ICE1: variants seen among roughly 807,000 people sequenced by gnomAD.
The protein encoded by ICE1 is little elongation complex subunit 1.
ICE1 carries 64 observed loss-of-function variants against 192.7 expected under a neutral mutation model. The observed-to-expected ratio is 0.33, with a 90% CI of 0.27 to 0.41. The LOEUF (loss-of-function observed/expected upper bound fraction) is 0.41, where lower values mean the gene tolerates loss of function less well. Among genes scored for constraint, ICE1 ranks in the 10% least tolerant of loss-of-function variants. ICE1 has a pLI of 1.00. For synonymous variants in ICE1, 1,010 were observed against 984.5 expected (o/e 1.03, Z -0.49); for missense variants, 2,708 against 2,696.0 (o/e 1.00, Z -0.10).
intron 1 of ICE1, among the ~76,000 whole-genome samples, chr5:5,429,042 T>C (rs1004611863): frequency 5.3e-5 from 8 of 152,148 alleles, no homozygotes; most frequent in African/African-American, 1.9e-4. Flanking sequence ...AAAAGGCATA[T>C]GGGGCAAAGT....
intron 17 of ICE1, among the ~76,000 whole-genome samples, chr5:5,485,654 AG>A (rs1184897893): frequency 6.6e-6 from 1 of 152,236 alleles, no homozygotes; most frequent in Non-Finnish European, 1.5e-5. Flanking sequence ...TAAATGTTGA[AG>A]GGATCCTTTT....
At chr5:5,439,007 A>G (rs1483436049) in intron 3 of ICE1, among the ~76,000 whole-genome samples, 1 of 152,318 alleles carries the variant, frequency 6.6e-6, no homozygotes, top group Non-Finnish European at 1.5e-5. Context: ...TCCTTTTGCT[A>G]CTAAAGTAGC....
intron 1 of ICE1, 76 bp from the exon 2 acceptor site, chr5:5,436,342 G>T (rs1187335021): frequency 1.0e-5 from 9 of 861,518 alleles, no homozygotes; most frequent in Non-Finnish European, 1.5e-5. Flanking sequence ...TCTTAGATAT[G>T]ATAAATAATG....
At chr5:5,476,137 T>TA in intron 17 of ICE1, 58 bp downstream of exon 17, 1 of 841,684 alleles carries the variant, frequency 1.2e-6, no homozygotes. Context: ...GGTGGAAGGC[T>TA]GGGGGGTTAA....
chr5:5,437,326 T>C (rs942044285), intron 3 of ICE1: 1 of 436,674 alleles, frequency 2.3e-6, no homozygotes, highest in African/African-American at 2.0e-5. Flanking sequence ...ATTACTTTTC[T>C]TGTTGATTGT....
At chr5:5,452,864 T>TA (rs1738466256) in intron 10 of ICE1, among the ~76,000 whole-genome samples, 1 of 152,128 alleles carries the variant, frequency 6.6e-6, no homozygotes, top group Non-Finnish European at 1.5e-5. Flanking sequence ...ATACATGCCT[T>TA]AGAGTTTGAT....
chr5:5,485,173 T>C (rs1473266264), intron 17 of ICE1, among the ~76,000 whole-genome samples: 2 of 152,166 alleles, frequency 1.3e-5, no homozygotes, highest in African/African-American at 4.8e-5. Context: ...TTACTCCAGG[T>C]TACATCTATC....
At chr5:5,485,325 G>A (rs1017755993) in intron 17 of ICE1, among the ~76,000 whole-genome samples, 6 of 151,984 alleles carry the variant, frequency 3.9e-5, no homozygotes, top group African/African-American at 1.2e-4. Context: ...AATGAGAATC[G>A]CATTGCCTTG....
At chr5:5,471,193 A>G (rs1464867716) in intron 15 of ICE1, among the ~76,000 whole-genome samples, 1 of 152,212 alleles carries the variant, frequency 6.6e-6, no homozygotes, top group Non-Finnish European at 1.5e-5. Context: ...ATGGGAAAGT[A>G]GACATATAGG....
rs370567717 is a variant in ICE1 at position 5,463,876 on chromosome 5, C to T, written c.4542C>T (p.Pro1514=). ...ATAAGAGTCGTTTGCGAAATAGACC[C>T]GTTAAGCCTAGTATATGGATTAGTT... ...NFDKSRLRNR[P]VKPSIWISSQ... is the part of the protein sequence containing the mutation. The change falls in exon 13 of 19, where the codon CCC becomes CCT. Residue 1514 remains proline, a synonymous_variant. Coordinates refer to ENST00000296564, the MANE Select transcript of ICE1 (RefSeq NM_015325.3). The T allele has an allele frequency of 3.8e-5, 62 of 1,613,880 alleles. No homozygotes were observed. The African/African-American group carries it at 5.7e-4, about 15-fold the overall frequency.
At chr5:5,437,288 A>G (rs1726507335) in intron 3 of ICE1, 174 bp downstream of exon 3, 2 of 486,510 alleles carry the variant, frequency 4.1e-6, no homozygotes, top group Non-Finnish European at 3.7e-6. Flanking sequence ...TTCTTAATCC[A>G]TGTTTAATGA....
chr5:5,435,678 G>GTTTTT (rs796599483), intron 1 of ICE1, among the ~76,000 whole-genome samples: 3 of 116,738 alleles, frequency 2.6e-5, no homozygotes, highest in African/African-American at 9.4e-5. Flanking sequence ...TTTTTGTTTT[G>GTTTTT]TTTTTGTTTT....
At chr5:5,426,447 C>CAAA (rs569904155) in intron 1 of ICE1, among the ~76,000 whole-genome samples, 3 of 69,110 alleles carry the variant, frequency 4.3e-5, no homozygotes, top group African/African-American at 9.1e-5. Context: ...GACTCCGTCT[C>CAAA]AAAAAAAAAA....
At chr5:5,480,102 CTTAG>C (rs1282859087) in intron 17 of ICE1, among the ~76,000 whole-genome samples, 2 of 152,144 alleles carry the variant, frequency 1.3e-5, no homozygotes, top group Admixed American at 1.3e-4. Flanking sequence ...AGAAAGCTCT[CTTAG>C]TTTTGACCTG....
intron 5 of ICE1, among the ~76,000 whole-genome samples, chr5:5,442,138 G>A (rs951805171): frequency 1.3e-5 from 2 of 152,096 alleles, no homozygotes; most frequent in Non-Finnish European, 2.9e-5. Flanking sequence ...GTAAATTGTT[G>A]TTTACTCCCT....
At chr5:5,424,197 G>A (rs550723541) in intron 1 of ICE1, among the ~76,000 whole-genome samples, 1 of 152,288 alleles carries the variant, frequency 6.6e-6, no homozygotes, top group South Asian at 2.1e-4. Flanking sequence ...GTGCAGGCTA[G>A]GTAGGCCATG....
chr5:5,441,191 G>A lies in ICE1; in HGVS notation c.277G>A (p.Gly93Arg). ...TCTACAGAAATGTCAGGAAGAACTG[G>A]GATCTTTAAAAGCAGAGCTAGAAGA... ...SPLQKCQEEL[G>R]SLKAELEEKK... The change falls in exon 5 of 19, where the codon GGA becomes AGA. Residue 93 changes from glycine to arginine, a missense_variant. By Grantham distance (125) the Gly-to-Arg change is moderately radical (BLOSUM62 -2). Transcript: ENST00000296564. The A allele has an allele frequency of 6.4e-7, 1 of 1,562,486 alleles. No homozygotes were observed. The highest frequency in any genetic ancestry group is 8.7e-7 in the Non-Finnish European group (1 of 1,152,024).
intron 1 of ICE1, among the ~76,000 whole-genome samples, chr5:5,424,469 A>C (rs1737463827): frequency 6.6e-6 from 1 of 151,880 alleles, no homozygotes; most frequent in African/African-American, 2.4e-5. Context: ...TTCACTCAAC[A>C]AACATTTATT....
Position 5,457,341 on chromosome 5 carries a change from C to T in ICE1, c.701C>T (p.Ala234Val). The T allele has an allele frequency of 1.3e-6, 2 of 1,598,042 alleles. No homozygotes were observed. Among genetic ancestry groups the T allele is most frequent in the South Asian group, 2.2e-5 (2 of 89,086 alleles). ...TTGTTCCCCCACATAGAAAAACCTGCCAAAGCAATCACCAGCTCCAGAGTG... is the reference window on the plus strand; with the variant it reads ...TTGTTCCCCCACATAGAAAAACCTGTCAAAGCAATCACCAGCTCCAGAGTG... ...EGSRCVPEKPAKAITSSRVPG... is the reference protein window; with the variant it reads ...EGSRCVPEKPVKAITSSRVPG... The change falls in exon 12 of 19, where the codon GCC becomes GTC. Residue 234 changes from alanine to valine, a missense_variant. Coordinates refer to ENST00000296564, the MANE Select transcript of ICE1 (RefSeq NM_015325.3).
Sources: gnomAD v4.1 joint callset for allele counts (sites outside exome capture counted in the v4.1 genomes callset) on GRCh38, gnomAD v4.1.1 for gene constraint, MANE v1.5 for transcripts, NCBI Gene and HGNC (gene_info 2026-07-23, HGNC 2026-07-21) for gene names.